Variants in SCFD1 observed in about 807,000 individuals in gnomAD.
SCFD1 encodes the protein sec1 family domain containing 1.
SCFD1 carries 37 observed loss-of-function variants against 103.2 expected under a neutral mutation model. The ratio of observed to expected loss-of-function variants is 0.36; its 90% CI spans 0.28 to 0.47. The LOEUF is 0.47. SCFD1 is among the 20% of genes least tolerant of loss of function. The probability of loss-of-function intolerance (pLI) is 1.00; values close to 1 mark genes in which losing one functional copy is unlikely to be tolerated. For synonymous variants in SCFD1, 264 were observed against 245.0 expected (o/e 1.08, Z -0.73); for missense variants, 639 against 761.2 (o/e 0.84, Z 1.89).
chr14:30,646,644 AGG>A (rs1189235494), intron 7 of SCFD1, among the ~76,000 whole-genome samples: 2 of 152,168 alleles, frequency 1.3e-5, no homozygotes, highest in African/African-American at 4.8e-5. Flanking sequence ...TGAATGAGAT[AGG>A]GAAGAGTCCC....
intron 17 of SCFD1, among the ~76,000 whole-genome samples, chr14:30,703,624 A>T (rs973224223): frequency 1.7e-4 from 25 of 149,608 alleles, no homozygotes; most frequent in Middle Eastern, 3.2e-3. Context: ...CAATTACATT[A>T]AAAAAAAGCA....
At chr14:30,632,089 C>G (rs1443438144) in intron 3 of SCFD1, among the ~76,000 whole-genome samples, 1 of 143,412 alleles carries the variant, frequency 7.0e-6, no homozygotes, top group African/African-American at 2.6e-5. Flanking sequence ...TGGAGAAGGA[C>G]TGTGTTCATG....
intron 14 of SCFD1, among the ~76,000 whole-genome samples, chr14:30,684,503 G>T (rs555382835): frequency 6.6e-6 from 1 of 152,218 alleles, no homozygotes; most frequent in South Asian, 2.1e-4. Context: ...TTGAGGCAGT[G>T]TACTGAAAAA....
Position 30,722,132 on chromosome 14 carries a change from T to A in SCFD1, c.1770+215T>A, listed in dbSNP as rs1463901748. 2.0e-5 allele frequency among the ~76,000 whole-genome samples: 3 copies of A among 152,178 alleles called. No individual in the cohort carries two copies. The East Asian group carries it at 5.8e-4, about 29-fold the overall frequency. ...TCACAGGAAATGAAGTATTTCAAATTGCAGTGAGAGTTTTACATGTGTGGA... is the reference window on the plus strand; with the variant it reads ...TCACAGGAAATGAAGTATTTCAAATAGCAGTGAGAGTTTTACATGTGTGGA... On this transcript the variant is annotated intron_variant, in intron 22 of 24. Transcript: ENST00000458591.
At chr14:30,688,903 T>C (rs1890046662) in intron 14 of SCFD1, among the ~76,000 whole-genome samples, 1 of 94,016 alleles carries the variant, frequency 1.1e-5, no homozygotes, top group Admixed American at 1.1e-4. Flanking sequence ...AATTTCTTCC[T>C]AGTCTCGATG....
At chr14:30,623,576 AATACTGTGTTTCTGATGACT>A (rs1246563984) in intron 1 of SCFD1, among the ~76,000 whole-genome samples, 2 of 152,196 alleles carry the variant, frequency 1.3e-5, no homozygotes. Flanking sequence ...CATTTGTTTT[AATACTGTGTTTCTGATGACT>A]ATACTACATA....
intron 23 of SCFD1, among the ~76,000 whole-genome samples, chr14:30,730,379 T>A (rs1047895642): frequency 6.6e-6 from 1 of 152,222 alleles, no homozygotes; most frequent in African/African-American, 2.4e-5. Flanking sequence ...TACCCAGTAA[T>A]GGGATGGCTG....
intron 20 of SCFD1, among the ~76,000 whole-genome samples, chr14:30,716,308 A>G (rs1048033689): frequency 3.9e-5 from 6 of 152,252 alleles, no homozygotes; most frequent in African/African-American, 1.4e-4. Context: ...TTGATATAGT[A>G]TAAAGAGTAC....
intron 15 of SCFD1, among the ~76,000 whole-genome samples, chr14:30,696,322 A>G (rs938943598): frequency 6.6e-6 from 1 of 152,238 alleles, no homozygotes; most frequent in Non-Finnish European, 1.5e-5. Flanking sequence ...AGTGAAAGAA[A>G]TTTAAAAAGT....
Position 30,705,812 on chromosome 14 carries a change from T to C in SCFD1, c.1491-11T>C. ...TAATTAGCTTTTAAGTACAACTTCC[T>C]TCTTTCATAGGGCTTTTACCAAGAT... On this transcript the variant is annotated splice_polypyrimidine_tract_variant and intron_variant, in intron 17 of 24. Coordinates refer to ENST00000458591, the MANE Select transcript of SCFD1 (RefSeq NM_016106.4). 1 of 1,612,282 alleles carries C rather than the reference T, an allele frequency of 6.2e-7. No homozygotes were observed. The highest frequency in any genetic ancestry group is 8.5e-7 in the Non-Finnish European group (1 of 1,178,500).
intron 7 of SCFD1, among the ~76,000 whole-genome samples, chr14:30,646,523 A>G (rs768335874): frequency 3.3e-5 from 5 of 152,046 alleles, no homozygotes; most frequent in Non-Finnish European, 7.4e-5. Context: ...CAGTTTGTTA[A>G]TATTCTGTTG....
intron 20 of SCFD1, among the ~76,000 whole-genome samples, chr14:30,718,008 A>G (rs1178483293): frequency 6.6e-6 from 1 of 152,194 alleles, no homozygotes; most frequent in South Asian, 2.1e-4. Context: ...CTGTAGTGCA[A>G]TGTAACTTAC....
At chr14:30,630,454 T>C (rs1883987834) in intron 2 of SCFD1, 23 bp from the exon 3 acceptor site, 1 of 1,356,886 alleles carries the variant, frequency 7.4e-7, no homozygotes, top group African/African-American at 1.5e-5. Context: ...CTGATAATGA[T>C]GACACATGGT....
rs556684347 is a variant in SCFD1 at position 30,652,788 on chromosome 14, C to T, written c.756-701C>T. ...TTGGGAGGCCAAGGTGGGAGGATCA[C>T]TTGAGCCTAGGAGTTCAAGACCAGC... On this transcript the variant is annotated intron_variant, in intron 9 of 24. Coordinates refer to ENST00000458591, the MANE Select transcript of SCFD1 (RefSeq NM_016106.4). Among the ~76,000 whole-genome samples the T allele has an allele frequency of 5.9e-5, 9 of 152,238 alleles. No homozygotes were observed. In the East Asian group the frequency reaches 1.7e-3, roughly 29 times the overall value.
At chr14:30,631,467 A>G (rs10147257) in intron 3 of SCFD1, among the ~76,000 whole-genome samples, 50,482 of 152,028 alleles carry the variant, frequency 0.33, 9,556 homozygotes, top group East Asian at 0.62. Flanking sequence ...GGTGCTTAAA[A>G]TATGATTTCT....
chr14:30,634,447 A>G (rs974253539), intron 4 of SCFD1, among the ~76,000 whole-genome samples: 1 of 152,304 alleles, frequency 6.6e-6, no homozygotes, highest in East Asian at 1.9e-4. Flanking sequence ...CAATTTATAA[A>G]TTATAAATTA....
intron 3 of SCFD1, among the ~76,000 whole-genome samples, chr14:30,631,843 C>T (rs189272475): frequency 8.4e-4 from 127 of 151,820 alleles, no homozygotes; most frequent in Non-Finnish European, 1.5e-3. Flanking sequence ...GTCAGGAGTT[C>T]GAGACCAGCC....
At chr14:30,627,617 A>C (rs1212863987) in intron 1 of SCFD1, among the ~76,000 whole-genome samples, 1 of 151,842 alleles carries the variant, frequency 6.6e-6, no homozygotes, top group African/African-American at 2.4e-5. Context: ...ATGGCAGCGC[A>C]TGCCTGTAAT....
At chr14:30,644,043 C>A (rs941289747) in intron 7 of SCFD1, 1 of 449,148 alleles carries the variant, frequency 2.2e-6, no homozygotes, top group African/African-American at 2.0e-5. Flanking sequence ...CTATTATTCT[C>A]ATCTTTGTGT....
Sources: gnomAD v4.1 joint callset for allele counts (sites outside exome capture counted in the v4.1 genomes callset) on GRCh38, gnomAD v4.1.1 for gene constraint, MANE v1.5 for transcripts, NCBI Gene and HGNC (gene_info 2026-07-23, HGNC 2026-07-21) for gene names.